IFT81: variants seen among roughly 807,000 people sequenced by gnomAD.
IFT81 encodes intraflagellar transport 81.
A neutral mutation model predicts 102.6 loss-of-function variants in IFT81; 72 were observed. That is an observed-to-expected ratio of 0.70 (90% confidence interval 0.58 to 0.85). The LOEUF (loss-of-function observed/expected upper bound fraction) is 0.85. Among genes scored for constraint, IFT81 ranks in the 40% least tolerant of loss-of-function variants. The pLI is 0.00. For synonymous variants in IFT81, 237 were observed against 242.7 expected, an observed-to-expected ratio of 0.98 and a Z score of 0.22; for missense variants, 723 against 787.3, an observed-to-expected ratio of 0.92 and a Z score of 0.98.
chr12:110,134,845 A>C, intron 5 of IFT81, 103 bp from the exon 6 acceptor site: 1 of 804,490 alleles, frequency 1.2e-6, no homozygotes, highest in East Asian at 2.8e-5. Flanking sequence ...TGCTGTGGTT[A>C]TAAATGATGA....
intron 5 of IFT81, 61 bp from the exon 6 acceptor site, chr12:110,134,887 T>C (rs1894385033): frequency 2.4e-6 from 3 of 1,232,438 alleles, no homozygotes; most frequent in African/African-American, 3.0e-5. Context: ...AATAAAACCT[T>C]ATCTGTTTCC....
chr12:110,197,236 A>ATAGG (rs1203931279), intron 14 of IFT81, among the ~76,000 whole-genome samples: 242 of 140,526 alleles, frequency 1.7e-3, no homozygotes, highest in Middle Eastern at 3.7e-3. Context: ...AGATAAGTAG[A>ATAGG]TAGGTAGGTA....
chr12:110,213,894 G>T (rs1869767524), intron 18 of IFT81, among the ~76,000 whole-genome samples: 1 of 152,070 alleles, frequency 6.6e-6, no homozygotes, highest in South Asian at 2.1e-4. Context: ...AGTAGACTTT[G>T]ATGGCTTCTT....
chr12:110,192,028 G>GGGC (rs1478954302), intron 13 of IFT81, among the ~76,000 whole-genome samples: 27 of 151,902 alleles, frequency 1.8e-4, no homozygotes, highest in Non-Finnish European at 5.9e-5. Flanking sequence ...AAAATCAGCC[G>GGGC]GGCGTGGTGT....
intron 10 of IFT81, among the ~76,000 whole-genome samples, chr12:110,160,313 A>G (rs1338262609): frequency 6.6e-6 from 1 of 152,212 alleles, no homozygotes; most frequent in East Asian, 1.9e-4. Flanking sequence ...CAAAAGCCTC[A>G]AAACCAGGGA....
intron 11 of IFT81, among the ~76,000 whole-genome samples, chr12:110,166,675 C>G (rs1896453086): frequency 6.6e-6 from 1 of 151,210 alleles, no homozygotes; most frequent in African/African-American, 2.4e-5. Flanking sequence ...TATTGCCATC[C>G]TAATGGCAAT....
Position 110,218,302 on chromosome 12 carries a change from G to A in IFT81, c.*76G>A. The A allele has an allele frequency of 8.8e-7, 1 of 1,133,028 alleles. No homozygotes were observed. Among genetic ancestry groups the A allele is most frequent in the South Asian group, 2.2e-5 (1 of 45,184 alleles). 70.2% of individuals were successfully genotyped at this position (1,133,028 alleles called of 1,614,324 possible). ...TAATCTCATAATGTATTTCTTTTTT[G>A]AAACTGATTTGTATAGCATTTTGTT... On this transcript the variant is annotated 3_prime_UTR_variant, in exon 19 of 19. Coordinates refer to ENST00000242591, the MANE Select transcript of IFT81 (RefSeq NM_014055.4).
intron 11 of IFT81, among the ~76,000 whole-genome samples, chr12:110,173,375 TCCGGGAGGTGAGGGGCGCCTCTGC>T (rs1393530390): frequency 4.1e-5 from 6 of 148,100 alleles, no homozygotes; most frequent in African/African-American, 1.5e-4. Context: ...AGCCGCCTCG[TCCGGGAGGTGAGGGGCGCCTCTGC>T]CCGGCCGCCC....
chr12:110,165,991 G>A (rs899448130), intron 11 of IFT81, among the ~76,000 whole-genome samples: 4 of 152,172 alleles, frequency 2.6e-5, no homozygotes, highest in African/African-American at 9.7e-5. Flanking sequence ...AGTGGCTCTA[G>A]AACTTGGTTG....
chr12:110,177,095 A>T (rs1338798412), intron 11 of IFT81, among the ~76,000 whole-genome samples: 1 of 152,258 alleles, frequency 6.6e-6, no homozygotes, highest in Non-Finnish European at 1.5e-5. Context: ...GTACATTAGT[A>T]TGACTTAAAT....
intron 4 of IFT81, among the ~76,000 whole-genome samples, chr12:110,130,365 C>CTTT (rs557142989): frequency 1.4e-5 from 2 of 139,124 alleles, no homozygotes; most frequent in African/African-American, 5.3e-5. Context: ...TTGATTAAGT[C>CTTT]TTTTTTTTTT....
intron 11 of IFT81, chr12:110,168,894 G>C (rs1214990289): frequency 7.2e-5 from 11 of 152,198 alleles, no homozygotes; most frequent in Admixed American, 4.6e-4. Context: ...GGGGAACTTG[G>C]TTCTTGGATG....
At chr12:110,152,256 T>C (rs1895580832) in intron 10 of IFT81, among the ~76,000 whole-genome samples, 1 of 152,238 alleles carries the variant, frequency 6.6e-6, no homozygotes, top group African/African-American at 2.4e-5. Flanking sequence ...GCTATACTAA[T>C]TTACATTCCC....
intron 11 of IFT81, among the ~76,000 whole-genome samples, chr12:110,179,510 T>C (rs1397236718): frequency 6.6e-6 from 1 of 151,428 alleles, no homozygotes; most frequent in East Asian, 1.9e-4. Context: ...TCACTTGAGC[T>C]GAGGAGTTCA....
intron 18 of IFT81, among the ~76,000 whole-genome samples, chr12:110,213,129 C>T (rs996364803): frequency 1.5e-4 from 23 of 152,104 alleles, no homozygotes; most frequent in Non-Finnish European, 2.8e-4. Flanking sequence ...TACGTAACAT[C>T]CAATACCCAA....
chr12:110,208,727 T>A (rs1374490826), intron 17 of IFT81, among the ~76,000 whole-genome samples: 1 of 152,180 alleles, frequency 6.6e-6, no homozygotes, highest in Non-Finnish European at 1.5e-5. Flanking sequence ...ATAGTCTGCT[T>A]TTATGTTTAT....
intron 12 of IFT81, among the ~76,000 whole-genome samples, chr12:110,188,357 T>A (rs1002748512): frequency 6.7e-6 from 1 of 149,354 alleles, no homozygotes; most frequent in Non-Finnish European, 1.5e-5. Flanking sequence ...AAAAAAAAAA[T>A]AACCCATCTG....
chr12:110,179,196 C>G (rs898649287), intron 11 of IFT81, among the ~76,000 whole-genome samples: 1 of 152,080 alleles, frequency 6.6e-6, no homozygotes, highest in African/African-American at 2.4e-5. Context: ...TAAATAGTAG[C>G]TACAAGTGTT....
intron 12 of IFT81, among the ~76,000 whole-genome samples, chr12:110,185,312 A>G (rs992321786): frequency 6.6e-6 from 1 of 152,038 alleles, no homozygotes; most frequent in African/African-American, 2.4e-5. Context: ...CAGCCTCCCA[A>G]GTAGCTGGGA....
Sources: allele counts gnomAD v4.1 joint callset (sites outside exome capture counted in the v4.1 genomes callset), GRCh38; gene constraint gnomAD v4.1.1; transcripts MANE v1.5; gene names NCBI Gene and HGNC (gene_info 2026-07-23, HGNC 2026-07-21).